The following TTLL11 variants were observed in gnomAD, a reference collection of about 807,000 sequenced individuals.
TTLL11 encodes tubulin tyrosine ligase like 11.
In TTLL11, 42 loss-of-function variants were observed where a neutral mutation model predicts 51.7. The observed-to-expected ratio is 0.81, with a 90% CI of 0.64 to 1.05. TTLL11 has a LOEUF of 1.05. TTLL11 is among the 50% of genes least tolerant of loss of function. The probability of loss-of-function intolerance (pLI) is 0.00; values close to 1 mark genes in which losing one functional copy is unlikely to be tolerated. For missense variants in TTLL11, 799 were observed against 940.4 expected, an observed-to-expected ratio of 0.85 and a Z score of 1.97; for synonymous variants, 381 against 383.5, an observed-to-expected ratio of 0.99 and a Z score of 0.08.
At chr9:121,997,081 A>G (rs1256788905) in intron 3 of TTLL11, among the ~76,000 whole-genome samples, 2 of 152,188 alleles carry the variant, frequency 1.3e-5, no homozygotes, top group Non-Finnish European at 2.9e-5. Flanking sequence ...GCCTCTCCAC[A>G]TGCTTTACCC....
intron 8 of TTLL11, among the ~76,000 whole-genome samples, chr9:121,833,702 C>CT (rs1295745678): frequency 1.3e-5 from 2 of 152,160 alleles, no homozygotes; most frequent in African/African-American, 4.8e-5. Context: ...AGCCCACACT[C>CT]TTTTTTCTAC....
rs547810140 is a variant in TTLL11 at position 121,936,277 on chromosome 9, T to A, written c.1481+37732A>T. ...TCTTTCTTTCTTTCTTTTTTTTTTT[T>A]ATTGGAGACAGGGTCTCACTCTGTT... On this transcript the variant is annotated intron_variant, in intron 6 of 8. Transcript: ENST00000321582. Among the ~76,000 whole-genome samples the A allele has an allele frequency of 4.1e-3, 628 of 151,644 alleles. 2 individuals are homozygous for A. Among genetic ancestry groups the A allele is most frequent in the African/African-American group, 0.015 (599 of 41,294 alleles).
At chr9:121,854,756 C>G (rs1261270133) in intron 8 of TTLL11, among the ~76,000 whole-genome samples, 1 of 151,976 alleles carries the variant, frequency 6.6e-6, no homozygotes, top group Non-Finnish European at 1.5e-5. Flanking sequence ...CTCCTGAGTG[C>G]AATTTACATG....
chr9:122,008,058 C>T (rs927293081), intron 3 of TTLL11, among the ~76,000 whole-genome samples: 11 of 152,182 alleles, frequency 7.2e-5, no homozygotes, highest in Non-Finnish European at 1.3e-4. Flanking sequence ...GGATCTAATA[C>T]TGAGGAAACC....
intron 1 of TTLL11, among the ~76,000 whole-genome samples, chr9:122,066,728 GAGT>G (rs1016434733): frequency 6.6e-6 from 1 of 152,154 alleles, no homozygotes; most frequent in Non-Finnish European, 1.5e-5. Context: ...ATTAAGTCCA[GAGT>G]AGTATGGTCC....
rs1564358328 is a variant in TTLL11, at chr9:122,014,599, T to A, written c.693+17124A>T. On this transcript the variant is annotated intron_variant, in intron 3 of 8. Transcript: ENST00000321582. ...CCCTTCATTGGAAGCCAAGACTATATGTTTTGTCTGACTCCCCAGTCTGCC... is the reference window on the plus strand; with the variant it reads ...CCCTTCATTGGAAGCCAAGACTATAAGTTTTGTCTGACTCCCCAGTCTGCC... Among the ~76,000 whole-genome samples, 3 of 152,050 alleles carry A rather than the reference T, an allele frequency of 2.0e-5. No homozygotes were observed. The South Asian group carries it at 6.2e-4, about 31-fold the overall frequency.
intron 8 of TTLL11, among the ~76,000 whole-genome samples, chr9:121,847,205 C>T (rs1157002549): frequency 3.2e-5 from 2 of 63,012 alleles, no homozygotes; most frequent in Non-Finnish European, 5.4e-5. Context: ...GAGACTCCGT[C>T]TCAAAAAAAA....
intron 6 of TTLL11, among the ~76,000 whole-genome samples, chr9:121,883,199 C>G (rs999717789): frequency 2.0e-5 from 3 of 152,116 alleles, no homozygotes; most frequent in Non-Finnish European, 4.4e-5. Flanking sequence ...TGGTTCCACC[C>G]CTTACCAATT....
At chr9:121,934,248 A>AAATAAATG (rs1272985130) in intron 6 of TTLL11, among the ~76,000 whole-genome samples, 1 of 151,582 alleles carries the variant, frequency 6.6e-6, no homozygotes, top group South Asian at 2.1e-4. Context: ...ATAAATAAAT[A>AAATAAATG]AATAAATAAA....
At chr9:122,060,147 A>C (rs1845402334) in intron 1 of TTLL11, among the ~76,000 whole-genome samples, 1 of 152,188 alleles carries the variant, frequency 6.6e-6, no homozygotes. Flanking sequence ...GCGATGTCTT[A>C]TCATAGACAC....
chr9:122,022,135 G>C (rs1312479896), intron 3 of TTLL11, among the ~76,000 whole-genome samples: 8 of 152,210 alleles, frequency 5.3e-5, no homozygotes, highest in African/African-American at 1.9e-4. Context: ...TCAGTGAACT[G>C]TGGGACAACT....
At chr9:122,012,640 C>T (rs978926363) in intron 3 of TTLL11, among the ~76,000 whole-genome samples, 6 of 149,678 alleles carry the variant, frequency 4.0e-5, no homozygotes, top group Admixed American at 1.3e-4. Context: ...AGGACTGTCT[C>T]TGGCAGGAGG....
intron 6 of TTLL11, among the ~76,000 whole-genome samples, chr9:121,945,045 G>A (rs1841614108): frequency 6.6e-6 from 1 of 152,128 alleles, no homozygotes; most frequent in South Asian, 2.1e-4. Flanking sequence ...AATTTTAGTA[G>A]CCCAATCTGG....
chr9:121,838,953 C>T lies in TTLL11; in HGVS notation c.1841-16074G>A, dbSNP rs756210084. On this transcript the variant is annotated intron_variant, in intron 8 of 8. Coordinates refer to ENST00000321582, the MANE Select transcript of TTLL11 (RefSeq NM_001139442.2). ...CCTCTCCAGCTGCCGCTGTAACCCA[C>T]GCCCCTGCTCCCGTCACCCTGCGGG... Among the ~76,000 whole-genome samples the T allele has an allele frequency of 1.5e-3, 230 of 152,362 alleles. 4 individuals are homozygous for T. The highest frequency in any genetic ancestry group is 6.9e-4 in the Non-Finnish European group (47 of 68,032).
At chr9:121,860,701 G>T (rs1837980648) in intron 7 of TTLL11, among the ~76,000 whole-genome samples, 1 of 152,220 alleles carries the variant, frequency 6.6e-6, no homozygotes, top group African/African-American at 2.4e-5. Context: ...TCTCCACCAT[G>T]TGAACATAGA....
chr9:121,992,112 C>G (rs1843132190), intron 3 of TTLL11, among the ~76,000 whole-genome samples: 1 of 152,184 alleles, frequency 6.6e-6, no homozygotes, highest in African/African-American at 2.4e-5. Flanking sequence ...CATCCAGGAA[C>G]TATATCTGTA....
At position 121,867,506 on chromosome 9, in the gene TTLL11, T is replaced by G. The variant is rs1415117658; in HGVS notation, c.1733+2991A>C. Among the ~76,000 whole-genome samples the G allele has an allele frequency of 2.0e-5, 3 of 152,208 alleles. No homozygotes were observed. In the East Asian group the frequency reaches 5.8e-4, roughly 29 times the overall value. The stretch of plus-strand genomic sequence containing the variant: ...CCCCTCTCTCGAATCTGCCCCTCTC[T>G]CTTCTCTATGGGTAGGACTTTATTA... On this transcript the variant is annotated intron_variant, in intron 7 of 8. Coordinates refer to ENST00000321582, the MANE Select transcript of TTLL11 (RefSeq NM_001139442.2).
At chr9:121,834,896 A>G (rs965003432) in intron 8 of TTLL11, among the ~76,000 whole-genome samples, 4 of 151,180 alleles carry the variant, frequency 2.6e-5, no homozygotes, top group Admixed American at 6.6e-5. Flanking sequence ...CTGCTCTCTC[A>G]CCTCACTGGC....
chr9:121,904,551 C>T (rs897109108), intron 6 of TTLL11, among the ~76,000 whole-genome samples: 2 of 152,228 alleles, frequency 1.3e-5, no homozygotes, highest in African/African-American at 4.8e-5. Context: ...GAGCCTTGAG[C>T]CAGTCCAGGC....
Sources: allele counts gnomAD v4.1 joint callset (sites outside exome capture counted in the v4.1 genomes callset), GRCh38; gene constraint gnomAD v4.1.1; transcripts MANE v1.5; gene names NCBI Gene and HGNC (gene_info 2026-07-23, HGNC 2026-07-21).